CFAP45: variants seen among roughly 807,000 people sequenced by gnomAD.
CFAP45 encodes cilia- and flagella-associated protein 45.
A neutral mutation model predicts 75.6 loss-of-function variants in CFAP45; 43 were observed. The observed-to-expected ratio is 0.57, with a 90% CI of 0.45 to 0.73. The LOEUF (loss-of-function observed/expected upper bound fraction) is 0.73, where lower values mean the gene tolerates loss of function less well. CFAP45 is among the 30% of genes least tolerant of loss of function. The pLI, the probability that CFAP45 is intolerant of heterozygous loss-of-function variation, is 0.00. For missense variants in CFAP45, 689 were observed against 701.5 expected, an observed-to-expected ratio of 0.98 and a Z score of 0.20; for synonymous variants, 223 against 244.6, an observed-to-expected ratio of 0.91 and a Z score of 0.82.
chr1:159,893,053 C>A, intron 2 of CFAP45, 127 bp downstream of exon 2: 1 of 1,044,308 alleles, frequency 9.6e-7, no homozygotes, highest in East Asian at 2.5e-5. Context: ...CTCAGAATTC[C>A]CCTTTGTCTT....
chr1:159,887,811 T>C (rs764051464), intron 5 of CFAP45, 30 bp downstream of exon 5: 2 of 1,591,298 alleles, frequency 1.3e-6, no homozygotes, highest in Non-Finnish European at 1.7e-6. Context: ...CAGTGAATGC[T>C]CAGAGGGAAG....
intron 10 of CFAP45, 118 bp from the exon 11 acceptor site, chr1:159,873,286 C>T (rs1311790665): frequency 5.3e-6 from 4 of 753,042 alleles, no homozygotes; most frequent in Admixed American, 2.6e-5. Context: ...GACCACAGCC[C>T]TCTGGGCTCC....
At chr1:159,892,251 C>T (rs115340318) in intron 2 of CFAP45, among the ~76,000 whole-genome samples, 1,756 of 152,284 alleles carry the variant, frequency 0.012, 27 homozygotes, top group Non-Finnish European at 0.019. Flanking sequence ...TGTACCATTG[C>T]ACTCCAGCTC....
chr1:159,878,472 C>T (rs1649460289), intron 8 of CFAP45, among the ~76,000 whole-genome samples: 2 of 151,818 alleles, frequency 1.3e-5, no homozygotes, highest in South Asian at 2.1e-4. Flanking sequence ...AGAATCTTCC[C>T]GGCCAGGCAT....
chr1:159,890,578 T>TC lies in CFAP45; in HGVS notation c.173dup (p.Asp59ArgfsTer2). ...GAGTTTTTTGAAGGGTATGCTTATC[T>TC]CGGAGCAGCACAATGGGGCTGTCGC... On this transcript the variant is annotated frameshift_variant, in exon 3 of 12. Transcript: ENST00000368099. LOFTEE classifies it high-confidence loss of function. 6.2e-7 allele frequency: 1 copy of TC among 1,614,028 alleles called. No homozygotes were observed. The highest frequency in any genetic ancestry group is 8.5e-7 in the Non-Finnish European group (1 of 1,179,970).
rs1376348985 is a variant in CFAP45, at chr1:159,893,169, T to G, written c.129+11A>C. On this transcript the variant is annotated intron_variant, in intron 2 of 11. Coordinates refer to ENST00000368099, the MANE Select transcript of CFAP45 (RefSeq NM_012337.3). ...GGTGGCATCAACTTGAAAGGACTTG[T>G]TGAGGATTACCTTGATATCTCCAAA... 6.2e-7 allele frequency: 1 copy of G among 1,613,390 alleles called. No individual in the cohort carries two copies. Among genetic ancestry groups the G allele is most frequent in the African/African-American group, 1.3e-5 (1 of 74,906 alleles).
intron 8 of CFAP45, among the ~76,000 whole-genome samples, chr1:159,877,749 T>G (rs1040742069): frequency 2.0e-5 from 3 of 152,054 alleles, no homozygotes; most frequent in African/African-American, 7.2e-5. Flanking sequence ...TGGTGGCATG[T>G]GCCTATAGTC....
chr1:159,897,127 G>A (rs565691403), intron 1 of CFAP45, among the ~76,000 whole-genome samples: 11 of 152,136 alleles, frequency 7.2e-5, no homozygotes, highest in South Asian at 6.2e-4. Context: ...AGCCAGGCAC[G>A]GTGGCGTACA....
chr1:159,877,902 A>ATAAATAAATAAATAAG (rs1649442048), intron 8 of CFAP45, among the ~76,000 whole-genome samples: 1 of 151,972 alleles, frequency 6.6e-6, no homozygotes, highest in African/African-American at 2.4e-5. Flanking sequence ...AAATAAATAA[A>ATAAATAAATAAATAAG]TAAGGTAAAA....
intron 1 of CFAP45, among the ~76,000 whole-genome samples, chr1:159,894,339 A>G (rs904352084): frequency 1.3e-5 from 2 of 152,198 alleles, no homozygotes; most frequent in African/African-American, 4.8e-5. Flanking sequence ...TGAGACACGC[A>G]CAGTGTCCCC....
chr1:159,883,152 T>C (rs940685789), intron 7 of CFAP45, among the ~76,000 whole-genome samples: 6 of 152,136 alleles, frequency 3.9e-5, no homozygotes, highest in Non-Finnish European at 5.9e-5. Flanking sequence ...AGGGAGAGAA[T>C]CGTAAAAGAA....
intron 7 of CFAP45, among the ~76,000 whole-genome samples, chr1:159,883,570 A>G (rs1649600692): frequency 6.6e-6 from 1 of 151,764 alleles, no homozygotes; most frequent in African/African-American, 2.4e-5. Context: ...TGAAGCATTT[A>G]GTGGCAGAGT....
intron 9 of CFAP45, among the ~76,000 whole-genome samples, chr1:159,877,145 C>T (rs1649422266): frequency 6.6e-6 from 1 of 152,204 alleles, no homozygotes; most frequent in African/African-American, 2.4e-5. Context: ...TTCTCTTGAA[C>T]CTTAAGCACA....
rs1650033452 is a variant in CFAP45, at chr1:159,899,842, G to A, written c.3+254C>T. Reference sequence around the variant, plus strand: ...CCCGCTGTAATGGCAACGGGGAGAGGGTTGGGGCATCCCTTTCTCCCCAAC... The same window carrying A: ...CCCGCTGTAATGGCAACGGGGAGAGAGTTGGGGCATCCCTTTCTCCCCAAC... On this transcript the variant is annotated intron_variant, in intron 1 of 11. Coordinates refer to ENST00000368099, the MANE Select transcript of CFAP45 (RefSeq NM_012337.3). 10 of 478,688 alleles carry A rather than the reference G, an allele frequency of 2.1e-5. No homozygotes were observed. In the South Asian group the frequency reaches 4.0e-4, roughly 19 times the overall value. 29.7% of individuals were successfully genotyped at this position (478,688 alleles called of 1,614,324 possible). A position where few individuals can be genotyped will look rare whatever the true frequency, so the allele number is the denominator to read the frequency against.
chr1:159,876,889 C>G, intron 9 of CFAP45, 140 bp from the exon 10 acceptor site: 1 of 817,604 alleles, frequency 1.2e-6, no homozygotes, highest in Non-Finnish European at 2.0e-6. Flanking sequence ...GCTAGTTATT[C>G]TAGGAAAAGA....
intron 7 of CFAP45, among the ~76,000 whole-genome samples, chr1:159,883,750 C>A (rs1337850859): frequency 6.6e-6 from 1 of 151,420 alleles, no homozygotes; most frequent in Admixed American, 6.6e-5. Context: ...ATTTTTTCAA[C>A]TTTTCTGTGT....
Position 159,893,168 on chromosome 1 carries a change from G to A in CFAP45, c.129+12C>T. 1 of 1,613,408 alleles carries A rather than the reference G, an allele frequency of 6.2e-7. No individual in the cohort carries two copies. The highest frequency in any genetic ancestry group is 1.1e-5 in the South Asian group (1 of 91,062). On this transcript the variant is annotated intron_variant, in intron 2 of 11. Transcript: ENST00000368099. ...AGGTGGCATCAACTTGAAAGGACTTGTTGAGGATTACCTTGATATCTCCAA... is the reference window on the plus strand; with the variant it reads ...AGGTGGCATCAACTTGAAAGGACTTATTGAGGATTACCTTGATATCTCCAA...
At position 159,890,596 on chromosome 1, in the gene CFAP45, G is replaced by A. The variant is rs1013185753; in HGVS notation, c.156C>T (p.Ser52=). The change falls in exon 3 of 12, where the codon AGC becomes AGT. Residue 52 remains serine (S), a synonymous_variant. Transcript: ENST00000368099. ...IKSPAQGQSD[S]PIVLLRDKHT... ...GCTTATCTCGGAGCAGCACAATGGG[G>A]CTGTCGCTCTGGCCCTGGGCTGGGG... is the stretch of plus-strand genomic sequence containing the variant. 4 of 1,613,962 alleles carry A rather than the reference G, an allele frequency of 2.5e-6. No individual in the cohort carries two copies. Among genetic ancestry groups the A allele is most frequent in the Non-Finnish European group, 3.4e-6 (4 of 1,180,002 alleles).
chr1:159,880,192 G>A (rs764738454), intron 8 of CFAP45, among the ~76,000 whole-genome samples: 6 of 152,154 alleles, frequency 3.9e-5, no homozygotes, highest in East Asian at 1.9e-4. Context: ...TTATGTAACC[G>A]CTGACTCATG....
Sources: allele counts gnomAD v4.1 joint callset (sites outside exome capture counted in the v4.1 genomes callset), GRCh38; gene constraint gnomAD v4.1.1; transcripts MANE v1.5; gene names NCBI Gene and HGNC (gene_info 2026-07-23, HGNC 2026-07-21).